The following ARAP3 variants were observed in gnomAD, a reference collection of about 807,000 sequenced individuals.
The protein encoded by ARAP3 is arf-GAP with Rho-GAP domain, ANK repeat and PH domain-containing protein 3.
In ARAP3, 82 loss-of-function variants were observed where a neutral mutation model predicts 169.2. The ratio of observed to expected loss-of-function variants is 0.48; its 90% CI spans 0.41 to 0.58. The LOEUF (loss-of-function observed/expected upper bound fraction) is 0.58, where lower values mean the gene tolerates loss of function less well. Among genes scored for constraint, ARAP3 ranks in the 20% least tolerant of loss-of-function variants. The pLI is 0.00. For synonymous variants in ARAP3, 791 were observed against 800.3 expected (o/e 0.99, Z 0.20); for missense variants, 1,764 against 2,018.0 (o/e 0.87, Z 2.41).
chr5:141,662,575 T>G (rs2099910100), intron 19 of ARAP3, among the ~76,000 whole-genome samples: 1 of 152,226 alleles, frequency 6.6e-6, no homozygotes, highest in South Asian at 2.1e-4. Flanking sequence ...CTGCACATTC[T>G]CCTACTTGCT....
At position 141,656,485 on chromosome 5, in the gene ARAP3, T is replaced by G. The variant is rs2099909289; in HGVS notation, c.3789+19A>C. The G allele has an allele frequency of 3.1e-6, 5 of 1,607,820 alleles. No homozygotes were observed. The East Asian group carries it at 1.1e-4, about 36-fold the overall frequency. ...CCATGGCCACCCAGCATCCCACACC[T>G]CTGGCCCCAGGGCCTCACTTTCTTC... On this transcript the variant is annotated intron_variant, in intron 27 of 32. Transcript: ENST00000239440.
rs1398749541 is a variant in ARAP3 at position 141,673,464 on chromosome 5, A to T, written c.909T>A (p.Tyr303Ter). ...WLDKLSPQGNYVFQRRFVQFN... is the reference protein window; with the variant it reads ...WLDKLSPQGN Reference sequence around the variant, plus strand: ...ACTGCACAAAGCGTCTCTGGAAGACATAGTTTCTGAGGAAGGAAGGAGCCA... The same window carrying T: ...ACTGCACAAAGCGTCTCTGGAAGACTTAGTTTCTGAGGAAGGAAGGAGCCA... Residue 303 changes from tyrosine (Y) to a stop codon, truncating the protein, a stop_gained, in exon 6 of 33, where the codon TAT becomes TAA. Coordinates refer to ENST00000239440, the MANE Select transcript of ARAP3 (RefSeq NM_022481.6). LOFTEE classifies it high-confidence loss of function. The T allele has an allele frequency of 6.2e-7, 1 of 1,614,146 alleles. No individual in the cohort carries two copies. The highest frequency in any genetic ancestry group is 8.5e-7 in the Non-Finnish European group (1 of 1,180,026).
chr5:141,655,530 G>A (rs2099909166), intron 31 of ARAP3, 91 bp downstream of exon 31: 1 of 1,598,634 alleles, frequency 6.3e-7, no homozygotes, highest in South Asian at 1.1e-5. Context: ...AGCATAGGGT[G>A]GCACCAGGCT....
chr5:141,677,768 T>C (rs2099912385), intron 4 of ARAP3, among the ~76,000 whole-genome samples: 1 of 143,410 alleles, frequency 7.0e-6, no homozygotes, highest in Non-Finnish European at 1.6e-5. Context: ...TGTTTTGTTT[T>C]TTGTTTTTGT....
chr5:141,669,699 C>T lies in ARAP3; in HGVS notation c.2352+10G>A. The T allele has an allele frequency of 6.2e-7, 1 of 1,613,492 alleles. No homozygotes were observed. Among genetic ancestry groups the T allele is most frequent in the East Asian group, 2.2e-5 (1 of 44,878 alleles). ...CATGAGATGCTGCAGAGGGCGCTCTCCTGTCTCACCTTGCCCACAGCACTA... is the reference window on the plus strand; with the variant it reads ...CATGAGATGCTGCAGAGGGCGCTCTTCTGTCTCACCTTGCCCACAGCACTA... On this transcript the variant is annotated intron_variant, in intron 16 of 32. Coordinates refer to ENST00000239440, the MANE Select transcript of ARAP3 (RefSeq NM_022481.6).
intron 4 of ARAP3, 30 bp from the exon 5 acceptor site, chr5:141,673,838 A>C: frequency 1.2e-6 from 2 of 1,610,102 alleles, no homozygotes; most frequent in Non-Finnish European, 1.7e-6. Context: ...GGAGGGACAC[A>C]CATTAGACAA....
chr5:141,662,008 G>A, intron 20 of ARAP3, 35 bp downstream of exon 20: 1 of 1,610,566 alleles, frequency 6.2e-7, no homozygotes, highest in Non-Finnish European at 8.5e-7. Context: ...CAGAGATCCT[G>A]GTTGGGCCTT....
Position 141,658,492 on chromosome 5 carries a change from C to T in ARAP3, c.3412-13G>A, listed in dbSNP as rs1229910839. The T allele has an allele frequency of 8.7e-6, 14 of 1,613,916 alleles. No individual in the cohort carries two copies. Among genetic ancestry groups the T allele is most frequent in the Non-Finnish European group, 1.1e-5 (13 of 1,179,950 alleles). ...GGGTTGGGGACACCTGGGGTCAGGG[C>T]AAGAGCAGAGAATTCATGCTGGTCA... On this transcript the variant is annotated splice_polypyrimidine_tract_variant and intron_variant, in intron 24 of 32. Transcript: ENST00000239440.
intron 1 of ARAP3, among the ~76,000 whole-genome samples, chr5:141,681,825 G>A (rs2099913031): frequency 6.6e-6 from 1 of 152,050 alleles, no homozygotes; most frequent in Non-Finnish European, 1.5e-5. Flanking sequence ...TCTCCAGCTG[G>A]GCCTCATTCC....
At chr5:141,681,411 C>T (rs1447254478) in intron 1 of ARAP3, among the ~76,000 whole-genome samples, 3 of 152,158 alleles carry the variant, frequency 2.0e-5, no homozygotes, top group Non-Finnish European at 4.4e-5. Context: ...CTTGCCTTTT[C>T]CCTGCTCATT....
At chr5:141,666,996 C>A (rs931357617) in intron 16 of ARAP3, among the ~76,000 whole-genome samples, 1 of 152,086 alleles carries the variant, frequency 6.6e-6, no homozygotes, top group African/African-American at 2.4e-5. Flanking sequence ...GCAGCCTCGA[C>A]CTCCCCCAGC....
chr5:141,669,378 G>A (rs1474375767), intron 16 of ARAP3, among the ~76,000 whole-genome samples: 4 of 152,200 alleles, frequency 2.6e-5, no homozygotes, highest in Non-Finnish European at 5.9e-5. Context: ...CATTGGCACA[G>A]TGAGGTTTGG....
intron 13 of ARAP3, 63 bp from the exon 14 acceptor site, chr5:141,670,691 G>A: frequency 7.1e-7 from 1 of 1,408,062 alleles, no homozygotes; most frequent in Non-Finnish European, 1.0e-6. Context: ...GACCCCCTCT[G>A]GGGAAGGGAT....
rs1395851241 is a variant in ARAP3 at position 141,680,207 on chromosome 5, G to A, written c.280C>T (p.Pro94Ser). Residue 94 changes from proline to serine, a missense_variant, in exon 2 of 33, where the codon CCC becomes TCC. Physicochemically the swap from Pro to Ser is moderately conservative, Grantham distance 74. This residue lies in a region of ARAP3 where 630 missense variants were observed against 678.7 expected (regional missense o/e 0.93). Coordinates refer to ENST00000239440, the MANE Select transcript of ARAP3 (RefSeq NM_022481.6). ...SPAPQAQPPK[P>S]VPKPRTVFGG... ...AACACGGTCCTGGGCTTCGGCACGG[G>A]CTTAGGGGGCTGGGCTTGCGGGGCT... 6.2e-7 allele frequency: 1 copy of A among 1,612,926 alleles called. No individual in the cohort carries two copies. The highest frequency in any genetic ancestry group is 1.1e-5 in the South Asian group (1 of 90,984).
At position 141,659,453 on chromosome 5, in the gene ARAP3, C is replaced by G. The variant is rs774378488; in HGVS notation, c.3291G>C (p.Gln1097His). The G allele has an allele frequency of 6.2e-7, 1 of 1,614,234 alleles. No individual in the cohort carries two copies. The highest frequency in any genetic ancestry group is 1.7e-5 in the Admixed American group (1 of 60,032). The change falls in exon 23 of 33, where the codon CAG becomes CAC. Residue 1097 changes from glutamine to histidine, a missense_variant. Coordinates refer to ENST00000239440, the MANE Select transcript of ARAP3 (RefSeq NM_022481.6). Reference sequence around the variant, plus strand: ...TGATAAGACTGACCTCCAAGTCAATCTGAGCTACCTGGTCAGAATCGATCT... The same window carrying G: ...TGATAAGACTGACCTCCAAGTCAATGTGAGCTACCTGGTCAGAATCGATCT... Reference protein sequence around the residue: ...VFDIDSDQVAQIDLEVSLITT... With the variant: ...VFDIDSDQVAHIDLEVSLITT...
At chr5:141,656,922 T>C (rs1175993654) in intron 25 of ARAP3, 76 bp from the exon 26 acceptor site, 1 of 1,514,726 alleles carries the variant, frequency 6.6e-7, no homozygotes, top group Non-Finnish European at 8.9e-7. Flanking sequence ...CAGTCATTCA[T>C]TCATCCATTC....
chr5:141,677,751 T>G (rs2099912375), intron 4 of ARAP3, among the ~76,000 whole-genome samples: 1 of 152,172 alleles, frequency 6.6e-6, no homozygotes, highest in Admixed American at 6.6e-5. Flanking sequence ...TTTTGTTTTT[T>G]TGGTTTTGTT....
chr5:141,669,878 G>A (rs1485052215), intron 15 of ARAP3, 44 bp downstream of exon 15: 1 of 1,609,956 alleles, frequency 6.2e-7, no homozygotes, highest in Non-Finnish European at 8.5e-7. Flanking sequence ...TGGAGGTTGG[G>A]AAGAGAAAAG....
chr5:141,665,064 C>T lies in ARAP3; in HGVS notation c.2658G>A (p.Glu886=). 6.2e-7 allele frequency: 1 copy of T among 1,613,206 alleles called. No individual in the cohort carries two copies. The highest frequency in any genetic ancestry group is 8.5e-7 in the Non-Finnish European group (1 of 1,179,552). Residue 886 remains glutamate (E), a synonymous_variant, in exon 19 of 33, where the codon GAG becomes GAA. Transcript: ENST00000239440. The part of the protein sequence containing the change: ...ETGRTLYLQG[E]GRLDFTAWNA... ...TCCATGCCGTGAAGTCCAGCCGGCC[C>T]TCTCCTTGCAGATACAGGGTCCTGA...
Sources: gnomAD v4.1 joint callset for allele counts (sites outside exome capture counted in the v4.1 genomes callset) on GRCh38, gnomAD v4.1.1 for gene constraint, gnomAD v4.1.1 regional missense constraint, MANE v1.5 for transcripts, NCBI Gene and HGNC (gene_info 2026-07-23, HGNC 2026-07-21) for gene names.